The following ARB2A variants were observed in gnomAD, a reference collection of about 807,000 sequenced individuals.
The protein encoded by ARB2A is ARB2 cotranscriptional regulator A.
At chr5:93,780,433 C>T in the ARB2A span, among the ~76,000 whole-genome samples, 2 of 152,182 alleles carry the variant, frequency 1.3e-5, no homozygotes, top group Admixed American at 6.5e-5. Context: ...GCTGGCTTAG[C>T]ATCTATGCGT....
chr5:93,746,972 A>C, the ARB2A span, among the ~76,000 whole-genome samples: 1 of 152,184 alleles, frequency 6.6e-6, no homozygotes, highest in Non-Finnish European at 1.5e-5. Flanking sequence ...CTTGTTACAG[A>C]AGAAAAGCTT....
the ARB2A span, among the ~76,000 whole-genome samples, chr5:93,648,215 A>G: frequency 6.6e-6 from 1 of 151,686 alleles, no homozygotes; most frequent in Non-Finnish European, 1.5e-5. Flanking sequence ...TTTAAAAGAT[A>G]GTTTTATTTG....
At chr5:93,955,891 T>C in the ARB2A span, among the ~76,000 whole-genome samples, 1 of 152,184 alleles carries the variant, frequency 6.6e-6, no homozygotes, top group East Asian at 1.9e-4. Flanking sequence ...TTCCTGCTTT[T>C]TACCCCTTTT....
the ARB2A span, among the ~76,000 whole-genome samples, chr5:94,083,672 C>T: frequency 2.6e-4 from 40 of 151,976 alleles, no homozygotes; most frequent in Non-Finnish European, 4.7e-4. Flanking sequence ...CACTTCTATT[C>T]AAAGTTTGTT....
the ARB2A span, chr5:94,050,860 T>C: frequency 7.1e-7 from 1 of 1,418,372 alleles, no homozygotes; most frequent in Non-Finnish European, 9.8e-7. Context: ...AATATTGCTA[T>C]ACTTCAAAGT....
chr5:93,752,519 C>A, the ARB2A span, among the ~76,000 whole-genome samples: 2 of 152,152 alleles, frequency 1.3e-5, no homozygotes, highest in African/African-American at 4.8e-5. Flanking sequence ...GGAGTTTTCA[C>A]AAATTGGTTC....
the ARB2A span, among the ~76,000 whole-genome samples, chr5:93,654,340 A>AT: frequency 6.6e-6 from 1 of 152,160 alleles, no homozygotes; most frequent in Non-Finnish European, 1.5e-5. Context: ...TTTTACAGTC[A>AT]TTAACACTAT....
chr5:93,707,731 C>T, the ARB2A span, among the ~76,000 whole-genome samples: 344 of 151,952 alleles, frequency 2.3e-3, no homozygotes, highest in African/African-American at 7.8e-3. Flanking sequence ...CCCGCCCCCA[C>T]GCCTGGCTAA....
chr5:93,788,283 G>T, the ARB2A span, among the ~76,000 whole-genome samples: 5 of 152,010 alleles, frequency 3.3e-5, no homozygotes, highest in Non-Finnish European at 5.9e-5. Context: ...CAAGACGGAT[G>T]AGTTCGTCTG....
the ARB2A span, among the ~76,000 whole-genome samples, chr5:94,102,496 A>T: frequency 6.6e-6 from 1 of 152,158 alleles, no homozygotes; most frequent in African/African-American, 2.4e-5. Context: ...AAAAGAATGA[A>T]CAAAATCTCC....
chr5:94,106,197 C>T, the ARB2A span, among the ~76,000 whole-genome samples: 1 of 151,982 alleles, frequency 6.6e-6, no homozygotes, highest in Non-Finnish European at 1.5e-5. Flanking sequence ...AAACAGACAA[C>T]CTACAGAATG....
chr5:93,872,380 A>C, the ARB2A span, among the ~76,000 whole-genome samples: 1 of 152,120 alleles, frequency 6.6e-6, no homozygotes, highest in South Asian at 2.1e-4. Flanking sequence ...GTTGGTAAGC[A>C]AAAAAATTAA....
the ARB2A span, among the ~76,000 whole-genome samples, chr5:93,898,976 T>C: frequency 6.6e-6 from 1 of 152,116 alleles, no homozygotes; most frequent in African/African-American, 2.4e-5. Context: ...AGAAATGGGA[T>C]CAGAGTCTAG....
At chr5:93,946,790 T>C in the ARB2A span, among the ~76,000 whole-genome samples, 1 of 152,176 alleles carries the variant, frequency 6.6e-6, no homozygotes, top group Non-Finnish European at 1.5e-5. Flanking sequence ...ATCACAGTTT[T>C]ATTCTAATAT....
the ARB2A span, among the ~76,000 whole-genome samples, chr5:93,658,953 C>T: frequency 5.1e-4 from 15 of 29,338 alleles, no homozygotes; most frequent in African/African-American, 1.5e-3. Flanking sequence ...ATGGTTAGTA[C>T]GTGGGGGTGG....
chr5:94,018,702 T>C, the ARB2A span, among the ~76,000 whole-genome samples: 2 of 152,116 alleles, frequency 1.3e-5, no homozygotes, highest in Non-Finnish European at 1.5e-5. Context: ...CCTAGGTATT[T>C]TATTCTCTTT....
At chr5:93,795,204 G>A in the ARB2A span, among the ~76,000 whole-genome samples, 1 of 152,126 alleles carries the variant, frequency 6.6e-6, no homozygotes, top group African/African-American at 2.4e-5. Flanking sequence ...CACCTCTGCT[G>A]AGTCATGCAG....
chr5:94,003,510 GA>G, the ARB2A span, among the ~76,000 whole-genome samples: 1 of 151,966 alleles, frequency 6.6e-6, no homozygotes, highest in African/African-American at 2.4e-5. Flanking sequence ...AGTACAGCAA[GA>G]AATGTAGGAT....
chr5:93,965,276 G>T, the ARB2A span, among the ~76,000 whole-genome samples: 1 of 151,828 alleles, frequency 6.6e-6, no homozygotes, highest in Non-Finnish European at 1.5e-5. Context: ...CAAGAAATTT[G>T]GTAGCTTTTA....
Sources: gnomAD v4.1 joint callset for allele counts (sites outside exome capture counted in the v4.1 genomes callset) on GRCh38, gnomAD v4.1.1 for gene constraint, MANE v1.5 for transcripts, NCBI Gene and HGNC (gene_info 2026-07-23, HGNC 2026-07-21) for gene names.